Variants in UBE2E2 observed in about 807,000 individuals in gnomAD.
The protein encoded by UBE2E2 is ubiquitin-conjugating enzyme E2 E2.
In UBE2E2, 6 loss-of-function variants were observed where a neutral mutation model predicts 24.7. The observed-to-expected ratio is 0.24, with a 90% CI of 0.13 to 0.48. The LOEUF (loss-of-function observed/expected upper bound fraction) is 0.48. UBE2E2 is among the 20% of genes least tolerant of loss of function. The pLI is 0.99. For synonymous variants in UBE2E2, 104 were observed against 83.6 expected, an observed-to-expected ratio of 1.24 and a Z score of -1.33; for missense variants, 169 against 245.0, an observed-to-expected ratio of 0.69 and a Z score of 2.07.
intron 3 of UBE2E2, among the ~76,000 whole-genome samples, chr3:23,317,130 G>T (rs1694603766): frequency 6.6e-6 from 1 of 152,180 alleles, no homozygotes; most frequent in Non-Finnish European, 1.5e-5. Context: ...ACTAGGTCAT[G>T]TGTCCCCCCA....
At chr3:23,411,178 G>A (rs766056473) in intron 3 of UBE2E2, among the ~76,000 whole-genome samples, 2 of 152,160 alleles carry the variant, frequency 1.3e-5, no homozygotes, top group Non-Finnish European at 2.9e-5. Flanking sequence ...ATGCTCTTCC[G>A]CCTCAGTTGA....
intron 3 of UBE2E2, among the ~76,000 whole-genome samples, chr3:23,432,520 T>G (rs1281865629): frequency 6.6e-6 from 1 of 152,066 alleles, no homozygotes; most frequent in Non-Finnish European, 1.5e-5. Flanking sequence ...ATATCAACAT[T>G]ATCAGTTATA....
intron 3 of UBE2E2, among the ~76,000 whole-genome samples, chr3:23,449,528 A>C (rs1698509138): frequency 6.6e-6 from 1 of 152,190 alleles, no homozygotes; most frequent in Non-Finnish European, 1.5e-5. Context: ...TCTTTTCACC[A>C]CTGTCTGTTA....
chr3:23,506,799 A>T lies in UBE2E2; in HGVS notation c.360+7059A>T, dbSNP rs546236488. ...CAGGCATTTGCCACCATGCCCGGCT[A>T]ATTTTGTATTTTTGATAGAAATGGG... On this transcript the variant is annotated intron_variant, in intron 4 of 5. Transcript: ENST00000396703. Among the ~76,000 whole-genome samples the T allele has an allele frequency of 2.6e-5, 4 of 152,010 alleles. No individual in the cohort carries two copies. The South Asian group carries it at 8.3e-4, about 32-fold the overall frequency.
chr3:23,419,886 G>A (rs748368483), intron 3 of UBE2E2, among the ~76,000 whole-genome samples: 7 of 152,090 alleles, frequency 4.6e-5, no homozygotes, highest in Non-Finnish European at 5.9e-5. Context: ...CTCTTGCTCA[G>A]GTCTGCAGAA....
intron 3 of UBE2E2, among the ~76,000 whole-genome samples, chr3:23,408,231 A>G (rs1325215525): frequency 6.6e-6 from 1 of 152,192 alleles, no homozygotes; most frequent in African/African-American, 2.4e-5. Flanking sequence ...TGGCCTCAAG[A>G]TAAAGTTGTT....
chr3:23,394,187 C>T (rs1697020357), intron 3 of UBE2E2, among the ~76,000 whole-genome samples: 1 of 152,120 alleles, frequency 6.6e-6, no homozygotes, highest in South Asian at 2.1e-4. Flanking sequence ...GGCCTGCAGT[C>T]CCAGAACACG....
chr3:23,585,591 A>G (rs1389130124), intron 5 of UBE2E2, among the ~76,000 whole-genome samples: 1 of 152,186 alleles, frequency 6.6e-6, no homozygotes, highest in Admixed American at 6.5e-5. Context: ...AAGTCTGAAC[A>G]TGCTCCTCTT....
rs1390149541 is a variant in UBE2E2, at chr3:23,458,429, T to TGGTGGTGGTGGTGGTG, written c.228-41178_228-41177insGTGGTGGTGGTGGTGG. Among the ~76,000 whole-genome samples the TGGTGGTGGTGGTGGTG allele has an allele frequency of 3.6e-3, 265 of 73,130 alleles. 2 individuals carry two copies. Among genetic ancestry groups the TGGTGGTGGTGGTGGTG allele is most frequent in the African/African-American group, 0.018 (242 of 13,436 alleles). 48.0% of individuals were successfully genotyped at this position (73,130 alleles called of 152,430 possible). On this transcript the variant is annotated intron_variant, in intron 3 of 5. Coordinates refer to ENST00000396703, the MANE Select transcript of UBE2E2 (RefSeq NM_152653.4). ...TGGTGGTGGTGGTGGTGGTGGTGGT[T>TGGTGGTGGTGGTGGTG]GTTGTTGTTTGAGACGGAGTCTCTA...
chr3:23,225,496 A>T (rs1696794282), intron 3 of UBE2E2, among the ~76,000 whole-genome samples: 1 of 152,144 alleles, frequency 6.6e-6, no homozygotes, highest in South Asian at 2.1e-4. Context: ...TTAGAGTCCA[A>T]TTTCATTCCT....
rs975532542 is a variant in UBE2E2 at position 23,319,164 on chromosome 3, T to C, written c.227+101852T>C. 6.6e-5 allele frequency among the ~76,000 whole-genome samples: 10 copies of C among 152,366 alleles called. 1 individual carries two copies. In the East Asian group the frequency reaches 1.7e-3, roughly 26 times the overall value. ...TATTGTAGTTAATCCAAATTGATCC[T>C]GTTAAGTGAAATTGGTTAAAATCTG... On this transcript the variant is annotated intron_variant, in intron 3 of 5. Coordinates refer to ENST00000396703, the MANE Select transcript of UBE2E2 (RefSeq NM_152653.4).
At chr3:23,224,575 T>A (rs1696764524) in intron 3 of UBE2E2, among the ~76,000 whole-genome samples, 1 of 152,084 alleles carries the variant, frequency 6.6e-6, no homozygotes, top group Non-Finnish European at 1.5e-5. Flanking sequence ...GTCTTTAGGT[T>A]TTAACATCAC....
At chr3:23,256,314 G>A (rs1282606978) in intron 3 of UBE2E2, among the ~76,000 whole-genome samples, 1 of 152,092 alleles carries the variant, frequency 6.6e-6, no homozygotes, top group Non-Finnish European at 1.5e-5. Context: ...TTAGCCATTT[G>A]TACATCTAAG....
intron 3 of UBE2E2, among the ~76,000 whole-genome samples, chr3:23,444,569 G>C (rs1475542379): frequency 6.6e-6 from 1 of 152,174 alleles, no homozygotes; most frequent in Non-Finnish European, 1.5e-5. Flanking sequence ...CCAGACCTAA[G>C]TATTGAAGCT....
rs540154370 is a variant in UBE2E2, at chr3:23,587,112, A to T, written c.509-2622A>T. On this transcript the variant is annotated intron_variant, in intron 5 of 5. Coordinates refer to ENST00000396703, the MANE Select transcript of UBE2E2 (RefSeq NM_152653.4). The stretch of plus-strand genomic sequence containing the variant: ...GTATAATTTTACAGGTGGAAAAAAA[A>T]TTTTTTAATCAAATTTGAAAACGTA... Among the ~76,000 whole-genome samples, 54 of 152,228 alleles carry T rather than the reference A, an allele frequency of 3.5e-4. 1 individual carries two copies. Among genetic ancestry groups the T allele is most frequent in the Non-Finnish European group, 4.1e-4 (28 of 68,020 alleles).
At chr3:23,409,246 G>A (rs1393747072) in intron 3 of UBE2E2, among the ~76,000 whole-genome samples, 1 of 152,184 alleles carries the variant, frequency 6.6e-6, no homozygotes, top group African/African-American at 2.4e-5. Flanking sequence ...AGCAGAAAAA[G>A]CAGAGTGTTA....
Position 23,474,639 on chromosome 3 carries a change from C to G in UBE2E2, c.228-24969C>G, listed in dbSNP as rs1699089875. 6.6e-6 allele frequency among the ~76,000 whole-genome samples: 1 copy of G among 152,106 alleles called. No homozygotes were observed. Among genetic ancestry groups the G allele is most frequent in the African/African-American group, 2.4e-5 (1 of 41,372 alleles). ...GGTCACATTTACCCTGGTCACACAA[C>G]TGGAATGGCAGTCTAGAATAAAACT... On this transcript the variant is annotated intron_variant, in intron 3 of 5. Coordinates refer to ENST00000396703, the MANE Select transcript of UBE2E2 (RefSeq NM_152653.4). The surrounding 1 kb of genome is among the most constrained non-coding windows in gnomAD (Gnocchi z 4.0).
At chr3:23,225,694 T>C (rs1696799717) in intron 3 of UBE2E2, among the ~76,000 whole-genome samples, 1 of 152,198 alleles carries the variant, frequency 6.6e-6, no homozygotes, top group Non-Finnish European at 1.5e-5. Flanking sequence ...TCTTTATTAC[T>C]ATAGTTTTAC....
chr3:23,422,700 C>G (rs754284912), intron 3 of UBE2E2, among the ~76,000 whole-genome samples: 26 of 152,136 alleles, frequency 1.7e-4, no homozygotes, highest in Admixed American at 6.6e-4. Context: ...AGAACAGAGA[C>G]AGGCAGATTT....
Sources: allele counts gnomAD v4.1 joint callset (sites outside exome capture counted in the v4.1 genomes callset), GRCh38; gene constraint gnomAD v4.1.1; non-coding constraint Gnocchi (gnomAD v3.1); transcripts MANE v1.5; gene names NCBI Gene and HGNC (gene_info 2026-07-23, HGNC 2026-07-21).